Variants in NAA11 observed in about 807,000 individuals in gnomAD.
NAA11 encodes the protein N-alpha-acetyltransferase 11, NatA catalytic subunit, also known as N-alpha-acetyltransferase 11.
In NAA11, 15 loss-of-function variants were observed where a neutral mutation model predicts 16.1. The observed-to-expected ratio is 0.93, with a 90% CI of 0.62 to 1.44. The LOEUF is 1.44. NAA11 is among the 40% of genes most tolerant of loss of function. NAA11 has a pLI of 0.00. For synonymous variants in NAA11, 122 were observed against 112.4 expected (o/e 1.09, Z -0.54); for missense variants, 298 against 291.3 (o/e 1.02, Z -0.17).
chr4:79,159,119 G>T, the NAA11 span, among the ~76,000 whole-genome samples: 1 of 152,226 alleles, frequency 6.6e-6, no homozygotes, highest in Non-Finnish European at 1.5e-5. Flanking sequence ...CTTCTGCACT[G>T]CAAAAGGAAC....
At chr4:79,180,560 C>G in the NAA11 span, among the ~76,000 whole-genome samples, 1 of 152,112 alleles carries the variant, frequency 6.6e-6, no homozygotes, top group Admixed American at 6.5e-5. Context: ...GAAAGGCGAT[C>G]ATTAAAAAGT....
intron 2 of NAA11, among the ~76,000 whole-genome samples, chr4:79,250,372 TC>T (rs746161896): frequency 2.0e-5 from 3 of 152,208 alleles, no homozygotes; most frequent in Non-Finnish European, 2.9e-5. Context: ...TGGCTGGAAT[TC>T]CAGCTGGCCA....
At chr4:79,279,093 A>C (rs1272763948) in intron 2 of NAA11, among the ~76,000 whole-genome samples, 3 of 152,062 alleles carry the variant, frequency 2.0e-5, no homozygotes, top group Non-Finnish European at 4.4e-5. Flanking sequence ...TGTTGTATTG[A>C]GGGTTAAGTT....
the NAA11 span, among the ~76,000 whole-genome samples, chr4:79,217,221 A>G: frequency 6.6e-6 from 1 of 152,176 alleles, no homozygotes; most frequent in African/African-American, 2.4e-5. Flanking sequence ...ATGCAGATCA[A>G]CTTGTCTGTG....
In NAA11 at chr4:79,227,028, A is replaced by G. The variant is rs558167346; in HGVS notation, c.*123-758T>C. Among the ~76,000 whole-genome samples, 14 of 152,248 alleles carry G rather than the reference A, an allele frequency of 9.2e-5. No homozygotes were observed. The East Asian group carries it at 1.7e-3, about 19-fold the overall frequency. Reference sequence around the variant, plus strand: ...CACTGTCTTTCACAATGGTTGAACTAGTTTACAGTCCCACCAACAGTGTAA... The same window carrying G: ...CACTGTCTTTCACAATGGTTGAACTGGTTTACAGTCCCACCAACAGTGTAA... On this transcript the variant is annotated intron_variant and NMD_transcript_variant, in intron 2 of 2. Transcript: ENST00000511542.
chr4:79,204,157 A>G, the NAA11 span, among the ~76,000 whole-genome samples: 1 of 151,886 alleles, frequency 6.6e-6, no homozygotes, highest in Non-Finnish European at 1.5e-5. Flanking sequence ...TTCTACTAGA[A>G]ATATGGTATC....
At chr4:79,197,743 C>T in the NAA11 span, 1 of 151,910 alleles carries the variant, frequency 6.6e-6, no homozygotes, top group Non-Finnish European at 1.5e-5. Flanking sequence ...CATGTAAACA[C>T]ATGATCTAAA....
chr4:79,313,161 T>A (rs74456484), downstream of NAA11, among the ~76,000 whole-genome samples: 3,094 of 151,998 alleles, frequency 0.02, 128 homozygotes, highest in African/African-American at 0.071. Context: ...AAAAAAAAAA[T>A]GATCACTGTT....
chr4:79,224,251 A>G (rs940135292), downstream of NAA11, among the ~76,000 whole-genome samples: 2 of 152,138 alleles, frequency 1.3e-5, no homozygotes, highest in African/African-American at 4.8e-5. Context: ...TACAGGCACT[A>G]GCTATTGCTA....
At chr4:79,288,380 A>G (rs1001199970) in intron 2 of NAA11, among the ~76,000 whole-genome samples, 3 of 152,228 alleles carry the variant, frequency 2.0e-5, no homozygotes, top group African/African-American at 7.2e-5. Context: ...AAGAAAAAAA[A>G]CATTATGCAA....
the NAA11 span, among the ~76,000 whole-genome samples, chr4:79,163,063 C>G: frequency 6.6e-6 from 1 of 152,258 alleles, no homozygotes; most frequent in East Asian, 1.9e-4. Flanking sequence ...AAAACTAAGT[C>G]TCTGATTCCA....
chr4:79,164,207 AT>A, the NAA11 span, among the ~76,000 whole-genome samples: 220 of 152,312 alleles, frequency 1.4e-3, 3 homozygotes, highest in African/African-American at 5.0e-3. Flanking sequence ...TGCAGTCACT[AT>A]TGTAGTCTTC....
At chr4:79,312,436 A>G (rs116108392), downstream of NAA11, among the ~76,000 whole-genome samples, 5,976 of 152,086 alleles carry the variant, frequency 0.039, 155 homozygotes, top group African/African-American at 0.064. Context: ...AGATCACCTG[A>G]GGTTAGGAAC....
chr4:79,163,665 G>T, the NAA11 span, among the ~76,000 whole-genome samples: 1 of 152,192 alleles, frequency 6.6e-6, no homozygotes, highest in Non-Finnish European at 1.5e-5. Context: ...GCTACATCCA[G>T]ATTCTGTATT....
the NAA11 span, among the ~76,000 whole-genome samples, chr4:79,191,096 A>G: frequency 6.6e-6 from 1 of 152,086 alleles, no homozygotes; most frequent in Non-Finnish European, 1.5e-5. Flanking sequence ...AGTTGATTCC[A>G]TGTCTTTGCT....
intron 2 of NAA11, among the ~76,000 whole-genome samples, chr4:79,283,695 A>C (rs556120928): frequency 1.5e-4 from 23 of 152,254 alleles, no homozygotes; most frequent in African/African-American, 5.1e-4. Context: ...CTGTATAGTC[A>C]CTGTATGTCT....
chr4:79,223,158 G>A (rs1369003670), downstream of NAA11, among the ~76,000 whole-genome samples: 1 of 150,740 alleles, frequency 6.6e-6, no homozygotes, highest in Non-Finnish European at 1.5e-5. Flanking sequence ...TATACCCAAA[G>A]GACTATAAAT....
chr4:79,216,225 A>G, the NAA11 span, among the ~76,000 whole-genome samples: 1 of 152,132 alleles, frequency 6.6e-6, no homozygotes, highest in Non-Finnish European at 1.5e-5. Context: ...AGTAATAATG[A>G]AGAAAATAAA....
intron 1 of NAA11, among the ~76,000 whole-genome samples, chr4:79,297,611 A>G (rs574789357): frequency 6.6e-6 from 1 of 152,310 alleles, no homozygotes; most frequent in East Asian, 1.9e-4. Flanking sequence ...GTGCTGTCAC[A>G]GCCCATCCAG....
Sources: allele counts gnomAD v4.1 joint callset (sites outside exome capture counted in the v4.1 genomes callset), GRCh38; gene constraint gnomAD v4.1.1; transcripts MANE v1.5; gene names NCBI Gene and HGNC (gene_info 2026-07-23, HGNC 2026-07-21).